The following NISCH variants were observed in gnomAD, a reference collection of about 807,000 sequenced individuals.
NISCH encodes the protein I-1 receptor candidate protein.
Under a neutral mutation model 138.4 loss-of-function variants are expected in NISCH, and 55 were observed. The ratio of observed to expected loss-of-function variants is 0.40; its 90% CI spans 0.32 to 0.50. The LOEUF (loss-of-function observed/expected upper bound fraction) is 0.50, where lower values mean the gene tolerates loss of function less well. Among genes scored for constraint, NISCH ranks in the 20% least tolerant of loss-of-function variants. The probability of loss-of-function intolerance (pLI) is 0.71; values close to 1 mark genes in which losing one functional copy is unlikely to be tolerated. For synonymous variants in NISCH, 860 were observed against 861.5 expected (o/e 1.00, Z 0.03); for missense variants, 1,643 against 2,005.5 (o/e 0.82, Z 3.45).
chr3:52,477,623 T>G lies in NISCH; in HGVS notation c.968T>G (p.Leu323Arg), dbSNP rs1299985408. 3.1e-6 allele frequency: 5 copies of G among 1,613,790 alleles called. No homozygotes were observed. The highest frequency in any genetic ancestry group is 4.2e-6 in the Non-Finnish European group (5 of 1,179,766). The change falls in exon 9 of 21, where the codon CTG becomes CGG. Residue 323 changes from leucine to arginine, a missense_variant. Leu to Arg is a moderately radical substitution (Grantham distance 102). Transcript: ENST00000345716. ...EFLDLSHNGL[L>R]VVDNLQHLYN... is the part of the protein sequence containing the mutation. The stretch of plus-strand genomic sequence containing the variant: ...CTGGACCTGAGTCACAATGGATTGC[T>G]GGTTGTGGACAATCTGCAGGTAGTG...
chr3:52,478,635 G>T (rs1707175338), intron 11 of NISCH, 58 bp downstream of exon 11: 12 of 1,507,336 alleles, frequency 8.0e-6, no homozygotes, highest in Non-Finnish European at 1.1e-5. Context: ...AGTCAAGTCT[G>T]CATGGGCGGT....
Position 52,492,809 on chromosome 3 carries a change from G to T in NISCH, c.*327G>T. 1 of 364,432 alleles carries T rather than the reference G, an allele frequency of 2.7e-6. No individual in the cohort carries two copies. The highest frequency in any genetic ancestry group is 5.0e-6 in the Non-Finnish European group (1 of 200,672). The allele number at this position is 364,432 out of a possible 1,614,324, so 22.6% of individuals were successfully genotyped here. On this transcript the variant is annotated 3_prime_UTR_variant, in exon 21 of 21. Coordinates refer to ENST00000345716, the MANE Select transcript of NISCH (RefSeq NM_007184.4). Reference sequence around the variant, plus strand: ...TCTCTTCTACACGTCCTTTCCTGAAGTGTCGAGTCCAGTCCTTTGTTGCTG... The same window carrying T: ...TCTCTTCTACACGTCCTTTCCTGAATTGTCGAGTCCAGTCCTTTGTTGCTG...
chr3:52,472,526 C>A, intron 6 of NISCH, 128 bp downstream of exon 6: 1 of 798,682 alleles, frequency 1.3e-6, no homozygotes, highest in Non-Finnish European at 2.0e-6. Context: ...GTGACAGGTT[C>A]TGCGTAGGTG....
At chr3:52,455,784 G>T in intron 1 of NISCH, 50 bp downstream of exon 1, 1 of 1,279,856 alleles carries the variant, frequency 7.8e-7, no homozygotes, top group Non-Finnish European at 1.0e-6. Flanking sequence ...CTGGAACCGG[G>T]AGTCCGACTC....
At chr3:52,485,398 A>G (rs1342302208) in intron 14 of NISCH, among the ~76,000 whole-genome samples, 1 of 152,184 alleles carries the variant, frequency 6.6e-6, no homozygotes, top group Admixed American at 6.5e-5. Context: ...GACCATTGGG[A>G]GGGACTTGCC....
In NISCH at chr3:52,478,113, T is replaced by C; in HGVS notation, c.1004T>C (p.Val335Ala). 6.2e-7 allele frequency: 1 copy of C among 1,613,962 alleles called. No homozygotes were observed. The highest frequency in any genetic ancestry group is 8.5e-7 in the Non-Finnish European group (1 of 1,179,950). ...CCGCTGCAGCACCTGTATAACCTTG[T>C]GCATCTGGACCTGTCCTACAACAAG... ...VDNLQHLYNL[V>A]HLDLSYNKLS... Residue 335 changes from valine (V) to alanine (A), a missense_variant, in exon 10 of 21, where the codon GTG (valine) becomes GCG (alanine). Val to Ala is a moderately conservative substitution (Grantham distance 64). Transcript: ENST00000345716.
chr3:52,484,606 C>G lies in NISCH; in HGVS notation c.1622C>G (p.Ser541Cys), dbSNP rs1559639784. Residue 541 changes from serine to cysteine, a missense_variant, in exon 14 of 21, where the codon TCT (serine) becomes TGT (cysteine). Ser to Cys is a moderately radical substitution (Grantham distance 112). Transcript: ENST00000345716. ...PEHQPIAQGC[S>C]DSLESIPAGQ... Reference sequence around the variant, plus strand: ...CACCAGCCCATTGCCCAGGGATGTTCTGATTCCTTGGAGTCCATCCCTGCG... The same window carrying G: ...CACCAGCCCATTGCCCAGGGATGTTGTGATTCCTTGGAGTCCATCCCTGCG... 6.2e-7 allele frequency: 1 copy of G among 1,614,006 alleles called. No homozygotes were observed. Among genetic ancestry groups the G allele is most frequent in the Non-Finnish European group, 8.5e-7 (1 of 1,180,022 alleles).
At chr3:52,462,114 G>C (rs760204682) in intron 3 of NISCH, among the ~76,000 whole-genome samples, 11 of 152,104 alleles carry the variant, frequency 7.2e-5, no homozygotes, top group Non-Finnish European at 1.5e-4. Context: ...TTTGAGGCAG[G>C]CTCCGCTACT....
rs1049060649 is a variant in NISCH at position 52,480,646 on chromosome 3, T to A, written c.1528+351T>A. 3.5e-6 allele frequency: 5 copies of A among 1,424,114 alleles called. No individual in the cohort carries two copies. In the Admixed American group the frequency reaches 1.5e-4, roughly 42 times the overall value. 88.2% of individuals were successfully genotyped at this position (1,424,114 alleles called of 1,614,324 possible). On this transcript the variant is annotated intron_variant, in intron 13 of 20. Transcript: ENST00000345716. ...TCACCGGCAGCACAAGCAGGTTGGC[T>A]CCTGGTTACAGGAAGCCGGGCTTGT...
intron 13 of NISCH, among the ~76,000 whole-genome samples, chr3:52,482,335 C>T (rs1274491586): frequency 6.6e-6 from 1 of 152,190 alleles, no homozygotes; most frequent in Non-Finnish European, 1.5e-5. Flanking sequence ...CCAGACAACA[C>T]CCAGCCTCCC....
chr3:52,483,268 C>A (rs1269665237), intron 13 of NISCH, among the ~76,000 whole-genome samples: 1 of 152,186 alleles, frequency 6.6e-6, no homozygotes, highest in African/African-American at 2.4e-5. Context: ...TTGTCCTGTC[C>A]CGGGGAGCAG....
intron 3 of NISCH, among the ~76,000 whole-genome samples, chr3:52,468,851 G>T (rs1314335430): frequency 6.6e-6 from 1 of 152,000 alleles, no homozygotes; most frequent in Non-Finnish European, 1.5e-5. Context: ...AAAATTAAGA[G>T]AATATTTTTA....
chr3:52,479,749 G>T lies in NISCH; in HGVS notation c.1303G>T (p.Val435Phe), dbSNP rs1485165634. ...GATAGCCACTTTCTGGATGCTCTAG[G>T]TCTGTCTGGATGACACAGTGACCAC... ...LAQFGERASE[V>F]CLDDTVTTEK... is the part of the protein sequence containing the mutation. Residue 435 changes from valine to phenylalanine, a missense_variant and splice_region_variant, in exon 12 of 21, where the codon GTC becomes TTC. By Grantham distance (50) the Val-to-Phe change is conservative. Transcript: ENST00000345716. The T allele has an allele frequency of 1.9e-6, 3 of 1,610,890 alleles. No homozygotes were observed. Among genetic ancestry groups the T allele is most frequent in the Non-Finnish European group, 1.7e-6 (2 of 1,178,274 alleles).
At chr3:52,485,871 C>T in intron 15 of NISCH, 44 bp downstream of exon 15, 1 of 1,543,000 alleles carries the variant, frequency 6.5e-7, no homozygotes. Flanking sequence ...GCCACACAGC[C>T]TTATGCACAC....
rs909433351 is a variant in NISCH, at chr3:52,476,700, A to G, written c.918+101A>G. On this transcript the variant is annotated intron_variant, in intron 8 of 20. Coordinates refer to ENST00000345716, the MANE Select transcript of NISCH (RefSeq NM_007184.4). ...TTTTAGGAAGGACCACGGAAAACCTATATCTAGTGCTCTGTGCATTGCCTG... is the reference window on the plus strand; with the variant it reads ...TTTTAGGAAGGACCACGGAAAACCTGTATCTAGTGCTCTGTGCATTGCCTG... 49 of 1,190,906 alleles carry G rather than the reference A, an allele frequency of 4.1e-5. No individual in the cohort carries two copies. The South Asian group carries it at 5.2e-4, about 13-fold the overall frequency. 73.8% of individuals were successfully genotyped at this position (1,190,906 alleles called of 1,614,324 possible).
intron 16 of NISCH, 96 bp downstream of exon 16, chr3:52,488,701 C>T (rs1038432721): frequency 2.2e-5 from 24 of 1,105,486 alleles, no homozygotes; most frequent in African/African-American, 7.8e-5. Context: ...GGAGTTGCTG[C>T]GAGAGCTGGG....
At chr3:52,470,819 C>T in intron 3 of NISCH, 40 bp from the exon 4 acceptor site, 1 of 1,591,282 alleles carries the variant, frequency 6.3e-7, no homozygotes, top group Non-Finnish European at 8.6e-7. Context: ...GGACTGGGGT[C>T]AGGTGGACTT....
At position 52,483,810 on chromosome 3, in the gene NISCH, A is replaced by AG. The variant is rs758384880; in HGVS notation, c.1529-701dup. Among the ~76,000 whole-genome samples, 4 of 152,242 alleles carry AG rather than the reference A, an allele frequency of 2.6e-5. 1 individual carries two copies. Among genetic ancestry groups the AG allele is most frequent in the Non-Finnish European group, 5.9e-5 (4 of 68,044 alleles). On this transcript the variant is annotated intron_variant, in intron 13 of 20. Coordinates refer to ENST00000345716, the MANE Select transcript of NISCH (RefSeq NM_007184.4). ...TAGTCACCGTCTGGGAAAATGCTCC[A>AG]GGAGTGAACACATTTCAGGCTCTTG...
At chr3:52,481,360 A>T in intron 13 of NISCH, 1 of 990,742 alleles carries the variant, frequency 1.0e-6, no homozygotes, top group Non-Finnish European at 1.2e-6. Flanking sequence ...CACCTGTGAG[A>T]TGTGGAAGAG....
Sources: gnomAD v4.1 joint callset for allele counts (sites outside exome capture counted in the v4.1 genomes callset) on GRCh38, gnomAD v4.1.1 for gene constraint, MANE v1.5 for transcripts, NCBI Gene and HGNC (gene_info 2026-07-23, HGNC 2026-07-21) for gene names.